CTNNA3: variants seen among roughly 807,000 people sequenced by gnomAD.
The protein encoded by CTNNA3 is catenin alpha-3.
CTNNA3 carries 76 observed loss-of-function variants against 95.7 expected under a neutral mutation model. The observed-to-expected ratio is 0.79, with a 90% confidence interval of 0.66 to 0.96. The LOEUF is 0.96. Among genes scored for constraint, CTNNA3 ranks in the 40% least tolerant of loss-of-function variants. The pLI, the probability that CTNNA3 is intolerant of heterozygous loss-of-function variation, is 0.00. For synonymous variants in CTNNA3, 431 were observed against 374.4 expected (o/e 1.15, Z -1.74); for missense variants, 1,191 against 1,089.8 (o/e 1.09, Z -1.31).
intron 5 of CTNNA3, among the ~76,000 whole-genome samples, chr10:67,428,648 G>T (rs1846001271): frequency 6.6e-6 from 1 of 152,012 alleles, no homozygotes; most frequent in Non-Finnish European, 1.5e-5. Context: ...TATTAATCCT[G>T]GATTTGTCTG....
chr10:66,192,258 A>G (rs2086717780), intron 13 of CTNNA3, among the ~76,000 whole-genome samples: 2 of 152,164 alleles, frequency 1.3e-5, no homozygotes, highest in African/African-American at 4.8e-5. Flanking sequence ...CTACACATAC[A>G]TGCATACAAA....
At chr10:66,913,258 AAAAAAAAG>A (rs1846312422) in intron 7 of CTNNA3, among the ~76,000 whole-genome samples, 12 of 146,416 alleles carry the variant, frequency 8.2e-5, no homozygotes, top group Non-Finnish European at 1.5e-4. Flanking sequence ...AAAAAAAAAA[AAAAAAAAG>A]AAAAAGAAAA....
chr10:67,182,347 A>C (rs1002206649), intron 6 of CTNNA3, among the ~76,000 whole-genome samples: 23 of 152,222 alleles, frequency 1.5e-4, no homozygotes, highest in Non-Finnish European at 2.6e-4. Flanking sequence ...ACAGAGATAT[A>C]GACCAATGGA....
At chr10:67,641,651 T>C (rs1379792177) in intron 2 of CTNNA3, among the ~76,000 whole-genome samples, 2 of 152,296 alleles carry the variant, frequency 1.3e-5, no homozygotes, top group Non-Finnish European at 2.9e-5. Flanking sequence ...ATGTGGCACA[T>C]ATACACCATG....
intron 1 of CTNNA3, among the ~76,000 whole-genome samples, chr10:67,653,751 T>C (rs1383992971): frequency 6.6e-6 from 1 of 152,152 alleles, no homozygotes; most frequent in Non-Finnish European, 1.5e-5. Context: ...ACTTTCTCTA[T>C]AACCCTGGGC....
chr10:66,254,763 C>T (rs971814466), intron 13 of CTNNA3, among the ~76,000 whole-genome samples: 2 of 152,088 alleles, frequency 1.3e-5, no homozygotes, highest in African/African-American at 4.8e-5. Context: ...TCTTAGAAAC[C>T]AATGATCTTT....
intron 2 of CTNNA3, among the ~76,000 whole-genome samples, chr10:67,637,391 G>T (rs902701994): frequency 6.6e-6 from 1 of 152,204 alleles, no homozygotes; most frequent in African/African-American, 2.4e-5. Context: ...TGTCTGATTC[G>T]TGTACCTGAA....
intron 11 of CTNNA3, among the ~76,000 whole-genome samples, chr10:66,501,948 T>G (rs879856945): frequency 2.6e-5 from 4 of 152,130 alleles, no homozygotes; most frequent in Non-Finnish European, 5.9e-5. Flanking sequence ...ATGAGAAAAG[T>G]TAAGACTCAG....
chr10:66,360,804 C>CTTTCTTTCTTT (rs1564897149), intron 12 of CTNNA3, among the ~76,000 whole-genome samples: 1 of 69,820 alleles, frequency 1.4e-5, no homozygotes, highest in Non-Finnish European at 2.9e-5. Context: ...TTCCTTCCTT[C>CTTTCTTTCTTT]CTTCCTTCCT....
At chr10:67,513,122 T>C (rs1036904764) in intron 5 of CTNNA3, among the ~76,000 whole-genome samples, 4 of 152,252 alleles carry the variant, frequency 2.6e-5, no homozygotes, top group Non-Finnish European at 5.9e-5. Flanking sequence ...TTGTTGTTCC[T>C]GCAGTTTGAT....
intron 3 of CTNNA3, among the ~76,000 whole-genome samples, chr10:67,556,154 G>C (rs1269899423): frequency 7.9e-5 from 12 of 152,146 alleles, no homozygotes; most frequent in Admixed American, 7.9e-4. Flanking sequence ...GATTCGGTTT[G>C]CCAATATTTT....
intron 11 of CTNNA3, among the ~76,000 whole-genome samples, chr10:66,518,264 T>C (rs1840932801): frequency 6.6e-6 from 1 of 152,138 alleles, no homozygotes; most frequent in South Asian, 2.1e-4. Context: ...GGACCTACAA[T>C]ATCCCTGGAT....
chr10:66,354,568 T>C lies in CTNNA3; in HGVS notation c.1732+24584A>G, dbSNP rs537423655. Among the ~76,000 whole-genome samples, 5 of 152,192 alleles carry C rather than the reference T, an allele frequency of 3.3e-5. No individual in the cohort carries two copies. The East Asian group carries it at 7.7e-4, about 24-fold the overall frequency. ...CTATTTGCAACAAAATATTTAGAAGTAGTTGAGAATCTGTCTTTTAGAGTA... is the reference window on the plus strand; with the variant it reads ...CTATTTGCAACAAAATATTTAGAAGCAGTTGAGAATCTGTCTTTTAGAGTA... On this transcript the variant is annotated intron_variant, in intron 12 of 17. Transcript: ENST00000433211.
chr10:67,732,268 A>G (rs1841279516), intron 1 of CTNNA3, among the ~76,000 whole-genome samples: 1 of 152,136 alleles, frequency 6.6e-6, no homozygotes, highest in Non-Finnish European at 1.5e-5. Context: ...CAAGAGTACT[A>G]TGGTATATAA....
At chr10:67,403,637 TG>T (rs1017250698) in intron 5 of CTNNA3, among the ~76,000 whole-genome samples, 1 of 152,164 alleles carries the variant, frequency 6.6e-6, no homozygotes, top group African/African-American at 2.4e-5. Context: ...GTCCAACCTG[TG>T]GGCCTTGGAA....
intron 10 of CTNNA3, among the ~76,000 whole-genome samples, chr10:66,595,426 C>T (rs1017308789): frequency 9.9e-5 from 15 of 152,108 alleles, no homozygotes; most frequent in Admixed American, 8.5e-4. Flanking sequence ...TCACTGCAGC[C>T]TCTACCTCCC....
chr10:67,597,044 T>G (rs189974560), intron 3 of CTNNA3, among the ~76,000 whole-genome samples: 4 of 152,366 alleles, frequency 2.6e-5, no homozygotes, highest in Admixed American at 2.6e-4. Context: ...CTCAGCTTGA[T>G]CTATTCTGCT....
chr10:67,595,609 T>C (rs1842913730), intron 3 of CTNNA3, among the ~76,000 whole-genome samples: 1 of 152,230 alleles, frequency 6.6e-6, no homozygotes, highest in East Asian at 1.9e-4. Context: ...ATGTATATTC[T>C]GTGGTTGGGT....
chr10:67,148,884 T>C (rs1396170353), intron 7 of CTNNA3, among the ~76,000 whole-genome samples: 2 of 152,216 alleles, frequency 1.3e-5, no homozygotes, highest in African/African-American at 4.8e-5. Context: ...ACATTTAAGC[T>C]AAATTTCTCA....
Sources: gnomAD v4.1 joint callset for allele counts (sites outside exome capture counted in the v4.1 genomes callset) on GRCh38, gnomAD v4.1.1 for gene constraint, MANE v1.5 for transcripts, NCBI Gene and HGNC (gene_info 2026-07-23, HGNC 2026-07-21) for gene names.